Variants in CILK1 observed in about 807,000 individuals in gnomAD.
CILK1 encodes serine/threonine-protein kinase ICK.
CILK1 carries 47 observed loss-of-function variants against 79.2 expected under a neutral mutation model. That is an observed-to-expected ratio of 0.59 (90% CI 0.47 to 0.76). The LOEUF (loss-of-function observed/expected upper bound fraction) is 0.76, where lower values mean the gene tolerates loss of function less well. CILK1 is among the 30% of genes least tolerant of loss of function. The probability of loss-of-function intolerance (pLI) is 0.00; values close to 1 mark genes in which losing one functional copy is unlikely to be tolerated. For missense variants in CILK1, 660 were observed against 769.5 expected (o/e 0.86, Z 1.68); for synonymous variants, 266 against 275.9 (o/e 0.96, Z 0.36).
chr6:53,023,610 G>A (rs541232781), intron 5 of CILK1, among the ~76,000 whole-genome samples: 10 of 152,302 alleles, frequency 6.6e-5, no homozygotes, highest in African/African-American at 2.4e-4. Context: ...AGGAACTCTA[G>A]TAGGACTAAA....
At chr6:53,043,287 G>A (rs940532565) in intron 1 of CILK1, among the ~76,000 whole-genome samples, 1 of 151,914 alleles carries the variant, frequency 6.6e-6, no homozygotes, top group African/African-American at 2.4e-5. Flanking sequence ...CTGCACGCCA[G>A]CCTGGGTAAC....
intron 11 of CILK1, among the ~76,000 whole-genome samples, chr6:53,010,441 C>T (rs1764505519): frequency 6.6e-6 from 1 of 152,262 alleles, no homozygotes. Context: ...CTACTCAGCA[C>T]ACAGGTGTTG....
intron 1 of CILK1, among the ~76,000 whole-genome samples, chr6:53,053,436 AG>A (rs1368818316): frequency 6.6e-6 from 1 of 152,256 alleles, no homozygotes; most frequent in Non-Finnish European, 1.5e-5. Context: ...GTATGTGCAT[AG>A]TACTATTATA....
intron 5 of CILK1, among the ~76,000 whole-genome samples, chr6:53,025,951 G>A (rs754894448): frequency 2.0e-5 from 3 of 152,082 alleles, no homozygotes; most frequent in Non-Finnish European, 2.9e-5. Flanking sequence ...ATTTCCTTAT[G>A]AGCGGCAATG....
chr6:53,035,235 C>T (rs955860200), intron 3 of CILK1, among the ~76,000 whole-genome samples: 10 of 151,754 alleles, frequency 6.6e-5, no homozygotes, highest in African/African-American at 2.4e-4. Context: ...GAGGTAGAAA[C>T]TCAAGGGGAG....
Position 53,041,281 on chromosome 6 carries a change from T to G in CILK1, c.-45A>C. 7.1e-7 allele frequency: 1 copy of G among 1,408,544 alleles called. No individual in the cohort carries two copies. The highest frequency in any genetic ancestry group is 1.0e-6 in the Non-Finnish European group (1 of 997,028). The allele number at this position is 1,408,544 out of a possible 1,614,324, so 87.3% of individuals were successfully genotyped here. A position where few individuals can be genotyped will look rare whatever the true frequency, so the allele number is the denominator to read the frequency against. On this transcript the variant is annotated 5_prime_UTR_variant, in exon 2 of 14. Coordinates refer to ENST00000676107, the MANE Select transcript of CILK1 (RefSeq NM_014920.5). ...GACACTCATCTCACGGCCGAAGTGGTTCAGTTCTGCAGTGGTAGCAGTCCT... is the reference window on the plus strand; with the variant it reads ...GACACTCATCTCACGGCCGAAGTGGGTCAGTTCTGCAGTGGTAGCAGTCCT...
chr6:53,015,932 T>A, intron 8 of CILK1, 151 bp downstream of exon 8: 1 of 776,500 alleles, frequency 1.3e-6, no homozygotes, highest in Non-Finnish European at 2.1e-6. Flanking sequence ...TTTCAAACTA[T>A]TTTAAGTTCT....
chr6:53,024,095 T>C (rs766915100), intron 5 of CILK1, among the ~76,000 whole-genome samples: 6 of 152,256 alleles, frequency 3.9e-5, no homozygotes, highest in Non-Finnish European at 7.3e-5. Flanking sequence ...TGCTATTTTA[T>C]AGCACATGCA....
chr6:53,010,400 G>A lies in CILK1; in HGVS notation c.1493-833C>T, dbSNP rs75890848. Among the ~76,000 whole-genome samples the A allele has an allele frequency of 2.3e-3, 347 of 152,288 alleles. 4 individuals are homozygous for A. The South Asian group carries it at 0.038, about 17-fold the overall frequency. ...GCCTGTGCCGCCATCTCCCTCACCT[G>A]GATGACAGCTACAGCTTGCTGGCCC... On this transcript the variant is annotated intron_variant, in intron 11 of 13. Coordinates refer to ENST00000676107, the MANE Select transcript of CILK1 (RefSeq NM_014920.5).
intron 12 of CILK1, among the ~76,000 whole-genome samples, chr6:53,006,678 T>C (rs1764241238): frequency 6.6e-6 from 1 of 152,242 alleles, no homozygotes; most frequent in Non-Finnish European, 1.5e-5. Flanking sequence ...GGTGGGTTGG[T>C]TGTGAAATTT....
intron 3 of CILK1, among the ~76,000 whole-genome samples, chr6:53,035,217 A>C (rs1766246536): frequency 6.6e-6 from 1 of 152,116 alleles, no homozygotes; most frequent in South Asian, 2.1e-4. Flanking sequence ...TAATGTAAGA[A>C]AAGGAAAGAG....
At chr6:53,045,675 A>C (rs1767020357) in intron 1 of CILK1, among the ~76,000 whole-genome samples, 1 of 151,984 alleles carries the variant, frequency 6.6e-6, no homozygotes, top group Non-Finnish European at 1.5e-5. Flanking sequence ...CAATGGGTTT[A>C]TAGGGATGTA....
At chr6:53,040,599 A>G (rs998863336) in intron 2 of CILK1, among the ~76,000 whole-genome samples, 1 of 152,254 alleles carries the variant, frequency 6.6e-6, no homozygotes, top group South Asian at 2.1e-4. Flanking sequence ...ACTGAGGCAA[A>G]GAACTTAGCT....
At chr6:53,008,232 A>G (rs1764350966) in intron 12 of CILK1, among the ~76,000 whole-genome samples, 1 of 151,578 alleles carries the variant, frequency 6.6e-6, no homozygotes, top group Non-Finnish European at 1.5e-5. Context: ...ATTGCTACAC[A>G]TATATTTATT....
intron 1 of CILK1, among the ~76,000 whole-genome samples, chr6:53,042,512 T>C (rs1439142550): frequency 6.6e-6 from 1 of 152,232 alleles, no homozygotes; most frequent in Non-Finnish European, 1.5e-5. Context: ...AATGGTATTA[T>C]TATCACTACT....
intron 3 of CILK1, among the ~76,000 whole-genome samples, chr6:53,032,956 T>C (rs1347942493): frequency 1.3e-5 from 2 of 152,130 alleles, no homozygotes; most frequent in Non-Finnish European, 2.9e-5. Context: ...CCCCTCCAGA[T>C]GATGGAATTC....
intron 1 of CILK1, among the ~76,000 whole-genome samples, chr6:53,057,351 CATTT>C (rs1767975957): frequency 6.6e-6 from 1 of 152,252 alleles, no homozygotes; most frequent in South Asian, 2.1e-4. Flanking sequence ...CATCGTTATA[CATTT>C]ATTAAGTGGC....
chr6:53,005,152 T>TCGC lies in CILK1; in HGVS notation c.1893_1895dup (p.Arg632dup). 2 of 1,614,150 alleles carry TCGC rather than the reference T, an allele frequency of 1.2e-6. No individual in the cohort carries two copies. Among genetic ancestry groups the TCGC allele is most frequent in the Non-Finnish European group, 1.7e-6 (2 of 1,180,038 alleles). On this transcript the variant is annotated inframe_insertion, in exon 14 of 14. Coordinates refer to ENST00000676107, the MANE Select transcript of CILK1 (RefSeq NM_014920.5). The stretch of plus-strand genomic sequence containing the variant: ...GATTCATCACCAAGGCAGACAGTCA[T>TCGC]CGCCGAGATGCGTACTTGGAAGCCC...
At chr6:53,027,512 C>A (rs968896023) in intron 5 of CILK1, among the ~76,000 whole-genome samples, 1 of 152,328 alleles carries the variant, frequency 6.6e-6, no homozygotes, top group South Asian at 2.1e-4. Context: ...GTCTACCCCC[C>A]AGAGGCAGAA....
Sources: allele counts gnomAD v4.1 joint callset (sites outside exome capture counted in the v4.1 genomes callset), GRCh38; gene constraint gnomAD v4.1.1; transcripts MANE v1.5; gene names NCBI Gene and HGNC (gene_info 2026-07-23, HGNC 2026-07-21).